Variants in DAAM2 observed in about 807,000 individuals in gnomAD.
DAAM2 encodes dishevelled associated activator of morphogenesis 2, also known as disheveled-associated activator of morphogenesis 2.
Under a neutral mutation model 120.7 loss-of-function variants are expected in DAAM2, and 39 were observed. That is an observed-to-expected ratio of 0.32 (90% CI 0.25 to 0.42). The LOEUF is 0.42. Among genes scored for constraint, DAAM2 ranks in the 10% least tolerant of loss-of-function variants. The probability of loss-of-function intolerance (pLI) is 1.00; values close to 1 mark genes in which losing one functional copy is unlikely to be tolerated. For synonymous variants in DAAM2, 488 were observed against 524.9 expected, an observed-to-expected ratio of 0.93 and a Z score of 0.96; for missense variants, 1,283 against 1,401.7, an observed-to-expected ratio of 0.92 and a Z score of 1.35.
Position 39,867,818 on chromosome 6 carries a change from A to T in DAAM2, c.737A>T (p.Tyr246Phe). ...VLQAMLHYQV[Y>F]AAERTRFQTL... ...CAGGCCATGCTGCACTACCAGGTGT[A>T]TGCAGCAGAGCGAACCCGCTTCCAG... is the stretch of plus-strand genomic sequence containing the variant. The change falls in exon 6 of 25, where the codon TAT becomes TTT. Residue 246 changes from tyrosine to phenylalanine, a missense_variant. By Grantham distance (22) the Tyr-to-Phe change is conservative. Transcript: ENST00000274867. 6.2e-7 allele frequency: 1 copy of T among 1,605,730 alleles called. No homozygotes were observed. Among genetic ancestry groups the T allele is most frequent in the Non-Finnish European group, 8.5e-7 (1 of 1,176,518 alleles).
At position 39,891,731 on chromosome 6, in the gene DAAM2, G is replaced by A. The variant is rs1765732617; in HGVS notation, c.2341+9G>A. 2 of 1,591,866 alleles carry A rather than the reference G, an allele frequency of 1.3e-6. No individual in the cohort carries two copies. The highest frequency in any genetic ancestry group is 1.1e-5 in the South Asian group (1 of 87,418). On this transcript the variant is annotated intron_variant, in intron 19 of 24. Coordinates refer to ENST00000274867, the MANE Select transcript of DAAM2 (RefSeq NM_001201427.2). ...AAAGCCCAAAGTGGAAGGTAGGGCT[G>A]AGGGTTGCAGGAGGCTTAGAGTGGA...
Position 39,903,742 on chromosome 6 carries a change from T to A in DAAM2, c.*1705T>A. On this transcript the variant is annotated 3_prime_UTR_variant, in exon 25 of 25. Coordinates refer to ENST00000274867, the MANE Select transcript of DAAM2 (RefSeq NM_001201427.2). ...CCAACTCCTGGGGCTGGGACCGTAGTAGCTGCGGGGGGGAAGAAACACAGG... is the reference window on the plus strand; with the variant it reads ...CCAACTCCTGGGGCTGGGACCGTAGAAGCTGCGGGGGGGAAGAAACACAGG... The A allele has an allele frequency of 6.0e-6, 1 of 167,308 alleles. No homozygotes were observed. The highest frequency in any genetic ancestry group is 1.3e-5 in the Non-Finnish European group (1 of 76,826). 10.4% of individuals were successfully genotyped at this position (167,308 alleles called of 1,614,324 possible). A position where few individuals can be genotyped will look rare whatever the true frequency, so the allele number is the denominator to read the frequency against.
At chr6:39,866,499 A>C (rs1168006010) in intron 5 of DAAM2, among the ~76,000 whole-genome samples, 1 of 152,244 alleles carries the variant, frequency 6.6e-6, no homozygotes, top group East Asian at 1.9e-4. Flanking sequence ...TTAGATCATT[A>C]ATTATTTTAC....
chr6:39,860,736 T>C (rs1764176255), intron 2 of DAAM2, among the ~76,000 whole-genome samples, 192 bp from the exon 3 acceptor site: 1 of 152,108 alleles, frequency 6.6e-6, no homozygotes, highest in Non-Finnish European at 1.5e-5. Context: ...ATAGGGTTGG[T>C]TGAGGCAAGG....
At chr6:39,873,435 T>A in intron 10 of DAAM2, 80 bp downstream of exon 10, 1 of 995,406 alleles carries the variant, frequency 1.0e-6, no homozygotes, top group Non-Finnish European at 1.6e-6. Flanking sequence ...CTTTGGGACC[T>A]CCCTGGTTTG....
At chr6:39,897,959 T>G (rs1562065432) in intron 21 of DAAM2, among the ~76,000 whole-genome samples, 1 of 152,198 alleles carries the variant, frequency 6.6e-6, no homozygotes, top group Non-Finnish European at 1.5e-5. Context: ...CTATCCTGCC[T>G]CAGGCTGAGT....
chr6:39,861,600 G>T, intron 3 of DAAM2: 1 of 183,022 alleles, frequency 5.5e-6, no homozygotes, highest in Non-Finnish European at 1.2e-5. Flanking sequence ...CCCAGCGGCT[G>T]TGCATTCTTC....
intron 14 of DAAM2, among the ~76,000 whole-genome samples, chr6:39,881,398 G>C (rs1291515776): frequency 6.6e-6 from 1 of 152,234 alleles, no homozygotes; most frequent in African/African-American, 2.4e-5. Flanking sequence ...TTCCTTATCT[G>C]TAAGTGGGGC....
At position 39,860,503 on chromosome 6, in the gene DAAM2, A is replaced by G. The variant is rs188754089; in HGVS notation, c.169-425A>G. On this transcript the variant is annotated intron_variant, in intron 2 of 24. Coordinates refer to ENST00000274867, the MANE Select transcript of DAAM2 (RefSeq NM_001201427.2). Reference sequence around the variant, plus strand: ...AAGAATCTGAGAGAGGCAGAACGAGATCTGCAGACAATTCCCTTCTTTGTT... The same window carrying G: ...AAGAATCTGAGAGAGGCAGAACGAGGTCTGCAGACAATTCCCTTCTTTGTT... Among the ~76,000 whole-genome samples the G allele has an allele frequency of 3.3e-5, 5 of 152,354 alleles. No homozygotes were observed. The East Asian group carries it at 9.7e-4, about 29-fold the overall frequency.
rs1287191502 is a variant in DAAM2, at chr6:39,903,473, G to C, written c.*1436G>C. ...GCTGGCCTTGGTGGATGGGATGGCTGTATCTAGACAAAATTTTTCTAAAAC... is the reference window on the plus strand; with the variant it reads ...GCTGGCCTTGGTGGATGGGATGGCTCTATCTAGACAAAATTTTTCTAAAAC... On this transcript the variant is annotated 3_prime_UTR_variant, in exon 25 of 25. Transcript: ENST00000274867. 2 of 152,262 alleles carry C rather than the reference G, an allele frequency of 1.3e-5. No individual in the cohort carries two copies. The highest frequency in any genetic ancestry group is 2.1e-4 in the South Asian group (1 of 4,834). 9.4% of individuals were successfully genotyped at this position (152,262 alleles called of 1,614,324 possible).
intron 10 of DAAM2, among the ~76,000 whole-genome samples, chr6:39,874,300 G>A (rs1764782969): frequency 6.6e-6 from 1 of 152,214 alleles, no homozygotes; most frequent in Non-Finnish European, 1.5e-5. Context: ...GGCTTTACAC[G>A]ATTTTGCTGG....
chr6:39,871,054 A>G (rs567252499), intron 8 of DAAM2, among the ~76,000 whole-genome samples: 1 of 152,210 alleles, frequency 6.6e-6, no homozygotes, highest in Non-Finnish European at 1.5e-5. Context: ...TGGAGACCCT[A>G]TGAAAGTACT....
intron 10 of DAAM2, among the ~76,000 whole-genome samples, chr6:39,875,059 A>G (rs1764814663): frequency 6.6e-6 from 1 of 152,234 alleles, no homozygotes; most frequent in Non-Finnish European, 1.5e-5. Context: ...AACAAGGAAG[A>G]AAGGCAGCCA....
In DAAM2 at chr6:39,888,695, G is replaced by C; in HGVS notation, c.2077G>C (p.Glu693Gln). The C allele has an allele frequency of 6.2e-7, 1 of 1,613,390 alleles. No homozygotes were observed. Among genetic ancestry groups the C allele is most frequent in the Non-Finnish European group, 8.5e-7 (1 of 1,179,538 alleles). ...TTGCCTTAGGTTGAAGCTTTCTAAC[G>C]AGGAGATCCGGCAGGCCATCTTGAA... is the stretch of plus-strand genomic sequence containing the variant. ...ILLSKLKLSN[E>Q]EIRQAILKMD... Residue 693 changes from glutamate to glutamine, a missense_variant, in exon 17 of 25, where the codon GAG (glutamate) becomes CAG (glutamine). This residue lies in a region of DAAM2 where 748 missense variants were observed against 768.6 expected (regional missense o/e 0.97). Transcript: ENST00000274867.
rs1562052560 is a variant in DAAM2, at chr6:39,884,077, C to CCTATA, written c.1953+10_1953+14dup. ...GCCTACCAGAGGCACCAGGTAAGAC[C>CCTATA]CTATACCCTCTGGCCTCTTGGACCA... On this transcript the variant is annotated intron_variant, in intron 15 of 24. Coordinates refer to ENST00000274867, the MANE Select transcript of DAAM2 (RefSeq NM_001201427.2). The CCTATA allele has an allele frequency of 6.7e-7, 1 of 1,487,730 alleles. No individual in the cohort carries two copies. The highest frequency in any genetic ancestry group is 1.4e-5 in the African/African-American group (1 of 72,704). 92.2% of individuals were successfully genotyped at this position (1,487,730 alleles called of 1,614,324 possible). A position where few individuals can be genotyped will look rare whatever the true frequency, so the allele number is the denominator to read the frequency against.
At position 39,878,252 on chromosome 6, in the gene DAAM2, T is replaced by C. The variant is rs1049888272; in HGVS notation, c.1351T>C (p.Phe451Leu). The change falls in exon 12 of 25, where the codon TTC becomes CTC. Residue 451 changes from phenylalanine to leucine, a missense_variant. Phe to Leu is a conservative substitution (Grantham distance 22, BLOSUM62 0). Around this residue, in one of 3 missense-constraint regions of DAAM2, gnomAD observed 338 missense variants for 443.9 expected, o/e 0.76. Coordinates refer to ENST00000274867, the MANE Select transcript of DAAM2 (RefSeq NM_001201427.2). This position sits in a 1 kb window ranked among gnomAD's most constrained non-coding sequence, Gnocchi z 5.0. ...ACAGTGGCGAGACCAGGCAGAGAAGTTCCGGAAAGGTGAGGGGCTCTGCTT... is the reference window on the plus strand; with the variant it reads ...ACAGTGGCGAGACCAGGCAGAGAAGCTCCGGAAAGGTGAGGGGCTCTGCTT... ...VKQWRDQAEKFRKEHMELVSR... is the reference protein window; with the variant it reads ...VKQWRDQAEKLRKEHMELVSR... 6.2e-7 allele frequency: 1 copy of C among 1,613,870 alleles called. No individual in the cohort carries two copies. The highest frequency in any genetic ancestry group is 1.7e-5 in the Admixed American group (1 of 60,004).
rs1349627850 is a variant in DAAM2 at position 39,903,202 on chromosome 6, G to T, written c.*1165G>T. The T allele has an allele frequency of 2.6e-5, 4 of 152,276 alleles. No homozygotes were observed. The East Asian group carries it at 7.7e-4, about 29-fold the overall frequency. 9.4% of individuals were successfully genotyped at this position (152,276 alleles called of 1,614,324 possible). On this transcript the variant is annotated 3_prime_UTR_variant, in exon 25 of 25. Transcript: ENST00000274867. ...TCTACATTAACATGCTGTCTCTAAG[G>T]GTGGCCCCTCCTCTCAGGCGTTCAG...
chr6:39,849,427 T>C (rs993864294), intron 1 of DAAM2, among the ~76,000 whole-genome samples: 18 of 152,218 alleles, frequency 1.2e-4, no homozygotes, highest in Non-Finnish European at 2.2e-4. Context: ...TGTGTAGCTA[T>C]TAATAGTCTT....
chr6:39,796,107 G>A (rs1761692270), intron 1 of DAAM2, among the ~76,000 whole-genome samples: 1 of 152,150 alleles, frequency 6.6e-6, no homozygotes, highest in African/African-American at 2.4e-5. Context: ...CAGTGGGTAT[G>A]GGGTGGGAGG....
Sources: allele counts gnomAD v4.1 joint callset (sites outside exome capture counted in the v4.1 genomes callset), GRCh38; gene constraint gnomAD v4.1.1; regional missense constraint gnomAD v4.1.1; non-coding constraint Gnocchi (gnomAD v3.1); transcripts MANE v1.5; gene names NCBI Gene and HGNC (gene_info 2026-07-23, HGNC 2026-07-21).